SOBP: variants seen among roughly 807,000 people sequenced by gnomAD.
SOBP encodes the protein sine oculis-binding protein homolog.
A neutral mutation model predicts 53.6 loss-of-function variants in SOBP; 4 were observed. That is an observed-to-expected ratio of 0.07 (90% CI 0.04 to 0.17). The LOEUF (loss-of-function observed/expected upper bound fraction) is 0.17. Among genes scored for constraint, SOBP ranks in the 10% least tolerant of loss-of-function variants. The probability of loss-of-function intolerance (pLI) is 1.00; values close to 1 mark genes in which losing one functional copy is unlikely to be tolerated. For synonymous variants in SOBP, 584 were observed against 522.6 expected (o/e 1.12, Z -1.60); for missense variants, 1,088 against 1,204.7 (o/e 0.90, Z 1.43).
chr6:107,573,165 G>C (rs79704625), intron 4 of SOBP, among the ~76,000 whole-genome samples: 29 of 152,264 alleles, frequency 1.9e-4, no homozygotes, highest in African/African-American at 6.3e-4. Context: ...ATTGTGTAGA[G>C]GGTTAGGATC....
At chr6:107,570,432 CT>C (rs1184351574) in intron 4 of SOBP, among the ~76,000 whole-genome samples, 9 of 152,206 alleles carry the variant, frequency 5.9e-5, no homozygotes, top group Non-Finnish European at 1.0e-4. Context: ...GAATCACCAC[CT>C]TCCTTGGCTT....
At chr6:107,557,143 G>A (rs1036393259) in intron 4 of SOBP, among the ~76,000 whole-genome samples, 1 of 152,036 alleles carries the variant, frequency 6.6e-6, no homozygotes, top group Non-Finnish European at 1.5e-5. Flanking sequence ...TGACCATTTT[G>A]TGAATAAAAT....
intron 5 of SOBP, among the ~76,000 whole-genome samples, chr6:107,605,012 T>G (rs1013498666): frequency 6.6e-6 from 1 of 152,176 alleles, no homozygotes; most frequent in East Asian, 1.9e-4. Context: ...TCCCTTCAGG[T>G]CCCAGTCACC....
chr6:107,500,654 TG>T (rs1211862202), intron 1 of SOBP, among the ~76,000 whole-genome samples: 1 of 151,722 alleles, frequency 6.6e-6, no homozygotes, highest in Non-Finnish European at 1.5e-5. Context: ...CCCAAGTAGC[TG>T]GGACTACAGG....
At chr6:107,630,623 TTAAG>T (rs1336587117) in intron 5 of SOBP, among the ~76,000 whole-genome samples, 1 of 152,228 alleles carries the variant, frequency 6.6e-6, no homozygotes, top group Non-Finnish European at 1.5e-5. Context: ...TCATTATTTC[TTAAG>T]TGACAGTTTT....
rs1025392632 is a variant in SOBP at position 107,600,959 on chromosome 6, T to C, written c.669+13784T>C. 1.6e-4 allele frequency among the ~76,000 whole-genome samples: 24 copies of C among 152,280 alleles called. No homozygotes were observed. In the South Asian group the frequency reaches 1.7e-3, roughly 11 times the overall value. On this transcript the variant is annotated intron_variant, in intron 5 of 6. Coordinates refer to ENST00000317357, the MANE Select transcript of SOBP (RefSeq NM_018013.4). ...TATATTATTAAATTATTTAAAGTTATATTGTTAAATTATATAATGTGTATA... is the reference window on the plus strand; with the variant it reads ...TATATTATTAAATTATTTAAAGTTACATTGTTAAATTATATAATGTGTATA...
rs2032337140 is a variant in SOBP, at chr6:107,581,001, A to G, written c.574-6079A>G. Among the ~76,000 whole-genome samples, 6 of 152,182 alleles carry G rather than the reference A, an allele frequency of 3.9e-5. 1 individual carries two copies. Among genetic ancestry groups the G allele is most frequent in the Admixed American group, 3.9e-4 (6 of 15,278 alleles). ...CCAGCGATAGCGTTAAAGGATAGAA[A>G]CCCATTCATTTATTCATTCGCTCAC... is the stretch of plus-strand genomic sequence containing the variant. On this transcript the variant is annotated intron_variant, in intron 4 of 6. Transcript: ENST00000317357.
chr6:107,501,500 TTC>T (rs1390797436), intron 1 of SOBP, among the ~76,000 whole-genome samples: 22 of 152,344 alleles, frequency 1.4e-4, no homozygotes, highest in Admixed American at 1.1e-3. Flanking sequence ...GTAAAAGATA[TTC>T]TGTCTTGGCA....
chr6:107,574,997 G>A (rs542101018), intron 4 of SOBP, among the ~76,000 whole-genome samples: 11 of 152,306 alleles, frequency 7.2e-5, no homozygotes, highest in East Asian at 1.9e-4. Context: ...TAATCCCTGC[G>A]GTTTCTGCCA....
chr6:107,577,027 A>G (rs1298537610), intron 4 of SOBP, among the ~76,000 whole-genome samples: 9 of 142,296 alleles, frequency 6.3e-5, no homozygotes, highest in South Asian at 2.2e-4. Context: ...ATAGCTATCC[A>G]TGACTACCCT....
chr6:107,586,928 C>T, intron 4 of SOBP, 152 bp from the exon 5 acceptor site: 1 of 695,864 alleles, frequency 1.4e-6, no homozygotes. Flanking sequence ...ATTTTGATAC[C>T]TAAAAGGCGT....
intron 3 of SOBP, chr6:107,514,310 T>C (rs2114961301): frequency 6.6e-6 from 1 of 152,186 alleles, no homozygotes; most frequent in South Asian, 2.1e-4. Context: ...TAAAGTGGAG[T>C]AGCAAAAAGT....
At chr6:107,608,210 A>G (rs1290781706) in intron 5 of SOBP, among the ~76,000 whole-genome samples, 2 of 152,162 alleles carry the variant, frequency 1.3e-5, no homozygotes, top group East Asian at 3.8e-4. Context: ...CTCTCCTTTG[A>G]CCACCTGGTA....
At chr6:107,597,545 T>C (rs1364231064) in intron 5 of SOBP, among the ~76,000 whole-genome samples, 1 of 152,240 alleles carries the variant, frequency 6.6e-6, no homozygotes, top group African/African-American at 2.4e-5. Context: ...GAAGTATTTA[T>C]GAGTTTATGG....
At chr6:107,623,913 G>C (rs1444762159) in intron 5 of SOBP, among the ~76,000 whole-genome samples, 1 of 152,112 alleles carries the variant, frequency 6.6e-6, no homozygotes, top group Non-Finnish European at 1.5e-5. Flanking sequence ...GAGGGTTTAG[G>C]GAAACCACGT....
intron 1 of SOBP, among the ~76,000 whole-genome samples, chr6:107,497,867 G>A (rs923231416): frequency 2.0e-5 from 3 of 152,116 alleles, no homozygotes; most frequent in African/African-American, 7.2e-5. Context: ...GTCCCTAGAA[G>A]TAAAATTGCT....
chr6:107,503,780 A>G lies in SOBP; in HGVS notation c.220A>G (p.Ile74Val). The change falls in exon 2 of 7, where the codon ATT becomes GTT. Residue 74 changes from isoleucine (I) to valine (V), a missense_variant. This residue lies in a region of SOBP where 112 missense variants were observed against 117.9 expected (regional missense o/e 0.95). Coordinates refer to ENST00000317357, the MANE Select transcript of SOBP (RefSeq NM_018013.4). ...TACAGATGGGGAGAGCCGGCAGCAC[A>G]TTTCTGTTCTCAAAGGTAATGACAT... is the stretch of plus-strand genomic sequence containing the variant. The part of the protein sequence containing the change: ...YPTDGESRQH[I>V]SVLKENSLPK... 1 of 1,614,106 alleles carries G rather than the reference A, an allele frequency of 6.2e-7. No individual in the cohort carries two copies.
intron 1 of SOBP, among the ~76,000 whole-genome samples, chr6:107,498,722 G>A (rs1243379321): frequency 6.6e-6 from 1 of 152,186 alleles, no homozygotes; most frequent in Non-Finnish European, 1.5e-5. Flanking sequence ...GAACTCAGGA[G>A]GAGTAAAGAC....
intron 4 of SOBP, among the ~76,000 whole-genome samples, chr6:107,556,269 A>G (rs1251857347): frequency 6.6e-6 from 1 of 152,238 alleles, no homozygotes; most frequent in Non-Finnish European, 1.5e-5. Flanking sequence ...TGTAAAAAGC[A>G]GAAATGCACA....
Sources: allele counts gnomAD v4.1 joint callset (sites outside exome capture counted in the v4.1 genomes callset), GRCh38; gene constraint gnomAD v4.1.1; regional missense constraint gnomAD v4.1.1; transcripts MANE v1.5; gene names NCBI Gene and HGNC (gene_info 2026-07-23, HGNC 2026-07-21).